Variants in PRH1 observed in about 807,000 individuals in gnomAD.
The protein encoded by PRH1 is salivary acidic proline-rich phosphoprotein 1/2.
Under a neutral mutation model 7.9 loss-of-function variants are expected in PRH1, and 7 were observed. That is an observed-to-expected ratio of 0.89 (90% confidence interval 0.50 to 1.67). PRH1 has a LOEUF of 1.67. PRH1 is among the 40% of genes most tolerant of loss of function. The pLI is 0.00. For synonymous variants in PRH1, 45 were observed against 80.8 expected, an observed-to-expected ratio of 0.56 and a Z score of 2.38; for missense variants, 109 against 223.6, an observed-to-expected ratio of 0.49 and a Z score of 3.27.
intron 1 of PRH1, among the ~76,000 whole-genome samples, chr12:11,140,030 T>C (rs1391076132): frequency 6.6e-6 from 1 of 152,018 alleles, no homozygotes; most frequent in African/African-American, 2.4e-5. Context: ...CATTCTATGA[T>C]AGTTATTTCA....
intron 1 of PRH1, among the ~76,000 whole-genome samples, chr12:10,978,701 T>C (rs1374465126): frequency 6.6e-6 from 1 of 152,170 alleles, no homozygotes; most frequent in Non-Finnish European, 1.5e-5. Context: ...ATTCAGAATC[T>C]ATAAGGAACT....
rs193057841 is a variant in PRH1, at chr12:10,929,467, A to G, written c.-59+44188T>C. The G allele has an allele frequency of 3.6e-6, 4 of 1,117,088 alleles. No individual in the cohort carries two copies. In the East Asian group the frequency reaches 9.9e-5, roughly 28 times the overall value. 69.2% of individuals were successfully genotyped at this position (1,117,088 alleles called of 1,614,324 possible). A position where few individuals can be genotyped will look rare whatever the true frequency, so the allele number is the denominator to read the frequency against. On this transcript the variant is annotated intron_variant, in intron 2 of 3. Transcript: ENST00000539853. Reference sequence around the variant, plus strand: ...GGACTGAAGAGTTCTCATGCCAAGGATCAGAAGACCTGTTGTGCCTTCATT... The same window carrying G: ...GGACTGAAGAGTTCTCATGCCAAGGGTCAGAAGACCTGTTGTGCCTTCATT...
chr12:10,911,245 G>T (rs141628782), intron 2 of PRH1, among the ~76,000 whole-genome samples: 2 of 152,244 alleles, frequency 1.3e-5, no homozygotes, highest in East Asian at 3.9e-4. Context: ...CCTGAGGAAT[G>T]GTACTGTACT....
At chr12:11,067,105 T>G (rs1943854000) in intron 1 of PRH1, among the ~76,000 whole-genome samples, 1 of 151,268 alleles carries the variant, frequency 6.6e-6, no homozygotes, top group Non-Finnish European at 1.5e-5. Context: ...TCTGGATCAT[T>G]TTACTATAGC....
intron 2 of PRH1, chr12:10,938,139 T>A (rs1472608001): frequency 2.9e-6 from 2 of 697,182 alleles, no homozygotes; most frequent in African/African-American, 3.6e-5. Context: ...TGGTGTTGAT[T>A]CCAAGCATAT....
At position 10,956,474 on chromosome 12, in the gene PRH1, G is replaced by A. The variant is rs1177472888; in HGVS notation, c.-59+17181C>T. 2.6e-5 allele frequency among the ~76,000 whole-genome samples: 4 copies of A among 152,032 alleles called. No homozygotes were observed. In the East Asian group the frequency reaches 7.7e-4, roughly 29 times the overall value. On this transcript the variant is annotated intron_variant, in intron 2 of 3. Coordinates refer to the PRH1 transcript ENST00000539853. ...ACCCACAGCCAATATCATACTAAATGGGCAAAACTGGAAGCATTACCCCTT... is the reference window on the plus strand; with the variant it reads ...ACCCACAGCCAATATCATACTAAATAGGCAAAACTGGAAGCATTACCCCTT...
At chr12:10,937,430 A>G (rs1156641849) in intron 2 of PRH1, 1 of 152,098 alleles carries the variant, frequency 6.6e-6, no homozygotes, top group African/African-American at 2.4e-5. Flanking sequence ...CAGAGATTTT[A>G]TTACAATACT....
intron 1 of PRH1, among the ~76,000 whole-genome samples, chr12:11,025,538 T>C (rs1449739352): frequency 6.6e-6 from 1 of 152,298 alleles, no homozygotes; most frequent in Non-Finnish European, 1.5e-5. Context: ...GTTTTAGTTA[T>C]CATGCCTGAA....
chr12:11,140,429 C>G (rs753488985), intron 1 of PRH1, among the ~76,000 whole-genome samples: 2 of 152,124 alleles, frequency 1.3e-5, no homozygotes, highest in African/African-American at 4.8e-5. Context: ...TATCACTGGT[C>G]AAGATTCCCT....
intron 1 of PRH1, among the ~76,000 whole-genome samples, chr12:10,993,257 T>A (rs1407113708): frequency 6.6e-6 from 1 of 152,200 alleles, no homozygotes; most frequent in East Asian, 1.9e-4. Context: ...ATGATTTGTT[T>A]TGGTGAGGTA....
At chr12:11,105,654 C>T (rs2708358) in intron 1 of PRH1, among the ~76,000 whole-genome samples, 69,159 of 151,984 alleles carry the variant, frequency 0.46, 16,549 homozygotes, top group Non-Finnish European at 0.53. Context: ...TCTGCACTTA[C>T]TTCTTTGTTT....
rs1201365957 is a variant in PRH1 at position 11,125,399 on chromosome 12, T to G, written n.40-4219A>C. ...AGAGTGAATAAGCTTCATTTCATCT[T>G]TTAATAGCATCATTAACAAGTTAAA... On this transcript the variant is annotated intron_variant and non_coding_transcript_variant, in intron 1 of 1. Coordinates refer to the PRH1 transcript ENST00000541175. Among the ~76,000 whole-genome samples the G allele has an allele frequency of 5.2e-5, 8 of 152,414 alleles. No homozygotes were observed. In the East Asian group the frequency reaches 1.5e-3, roughly 29 times the overall value.
chr12:11,060,032 G>T (rs1943519085), intron 1 of PRH1, among the ~76,000 whole-genome samples: 1 of 151,886 alleles, frequency 6.6e-6, no homozygotes. Flanking sequence ...TGATTTTACA[G>T]TTCTTACATT....
At chr12:10,882,144 G>T in intron 3 of PRH1, 73 bp downstream of exon 3, 1 of 1,589,822 alleles carries the variant, frequency 6.3e-7, no homozygotes. Context: ...GTTTTCAGAG[G>T]ATTCATTGGC....
At chr12:11,150,838 T>G (rs985828569) in intron 1 of PRH1, among the ~76,000 whole-genome samples, 2 of 152,026 alleles carry the variant, frequency 1.3e-5, no homozygotes, top group African/African-American at 4.8e-5. Context: ...AAAAAAGATA[T>G]CAGTGAAAAT....
intron 1 of PRH1, chr12:11,021,941 G>C (rs1265090634): frequency 6.2e-7 from 1 of 1,614,034 alleles, no homozygotes; most frequent in East Asian, 2.2e-5. Context: ...TTGCTATGGA[G>C]CCGCATCTTC....
intron 2 of PRH1, among the ~76,000 whole-genome samples, chr12:10,923,894 CTG>C (rs1950086298): frequency 6.6e-6 from 1 of 151,172 alleles, no homozygotes; most frequent in Non-Finnish European, 1.5e-5. Flanking sequence ...CTTGCTTTTA[CTG>C]TCTTATTAAA....
At position 11,091,076 on chromosome 12, in the gene PRH1, TGTTAA is replaced by T. The variant is rs1248627938; in HGVS notation, n.124-43893_124-43889del. Among the ~76,000 whole-genome samples, 2 of 59,026 alleles carry T rather than the reference TGTTAA, an allele frequency of 3.4e-5. 1 individual carries two copies. The highest frequency in any genetic ancestry group is 9.0e-5 in the African/African-American group (2 of 22,100). The allele number at this position is 59,026 out of a possible 152,430, so 38.7% of individuals were successfully genotyped here. A position where few individuals can be genotyped will look rare whatever the true frequency, so the allele number is the denominator to read the frequency against. The stretch of plus-strand genomic sequence containing the variant: ...ACAGAAAAGAGCATGTTGTTGTCAA[TGTTAA>T]GTTTTCATACACAAATACACACACA... On this transcript the variant is annotated intron_variant and non_coding_transcript_variant, in intron 1 of 4. Transcript: ENST00000541977.
rs1201267449 is a variant in PRH1 at position 11,124,417 on chromosome 12, A to C, written n.40-3237T>G. Among the ~76,000 whole-genome samples the C allele has an allele frequency of 2.0e-5, 3 of 152,258 alleles. No individual in the cohort carries two copies. In the East Asian group the frequency reaches 5.8e-4, roughly 29 times the overall value. ...TTTAGAAATAAGAGCTTGATCATGA[A>C]ATGGTTTATTTATTTTTCTTATTAA... On this transcript the variant is annotated intron_variant and non_coding_transcript_variant, in intron 1 of 1. Coordinates refer to the PRH1 transcript ENST00000541175.
Sources: gnomAD v4.1 joint callset for allele counts (sites outside exome capture counted in the v4.1 genomes callset) on GRCh38, gnomAD v4.1.1 for gene constraint, MANE v1.5 for transcripts, NCBI Gene and HGNC (gene_info 2026-07-23, HGNC 2026-07-21) for gene names.